Variants in CPED1 observed in about 807,000 individuals in gnomAD.
The protein encoded by CPED1 is cadherin like and PC-esterase domain containing 1, also known as cadherin-like and PC-esterase domain-containing protein 1.
CPED1 carries 114 observed loss-of-function variants against 128.2 expected under a neutral mutation model. The ratio of observed to expected loss-of-function variants is 0.89; its 90% CI spans 0.76 to 1.04. CPED1 has a LOEUF of 1.04. CPED1 is among the 50% of genes least tolerant of loss of function. The pLI, the probability that CPED1 is intolerant of heterozygous loss-of-function variation, is 0.00. For missense variants in CPED1, 1,211 were observed against 1,207.1 expected (o/e 1.00, Z -0.05); for synonymous variants, 462 against 426.7 (o/e 1.08, Z -1.02).
chr7:121,225,550 CT>C (rs1219046499), intron 16 of CPED1, among the ~76,000 whole-genome samples: 1 of 152,152 alleles, frequency 6.6e-6, no homozygotes, highest in African/African-American at 2.4e-5. Context: ...GGAAATTCTC[CT>C]GGATAATATC....
intron 16 of CPED1, among the ~76,000 whole-genome samples, chr7:121,205,190 GAA>G (rs1797490873): frequency 2.0e-5 from 3 of 151,986 alleles, no homozygotes; most frequent in Admixed American, 1.3e-4. Flanking sequence ...CATCAAACAT[GAA>G]AAGTCTTTCC....
chr7:121,027,580 T>C (rs1382454584), intron 3 of CPED1, among the ~76,000 whole-genome samples: 2 of 151,912 alleles, frequency 1.3e-5, no homozygotes, highest in Non-Finnish European at 2.9e-5. Flanking sequence ...CAAAATGAAA[T>C]GTGCTCAGGG....
chr7:121,216,690 T>C (rs1489027828), intron 16 of CPED1, among the ~76,000 whole-genome samples: 1 of 151,934 alleles, frequency 6.6e-6, no homozygotes, highest in Non-Finnish European at 1.5e-5. Flanking sequence ...TGCTGCAAGT[T>C]TTTCCTTATG....
At chr7:121,170,903 T>A (rs1013397552) in intron 16 of CPED1, among the ~76,000 whole-genome samples, 1 of 151,560 alleles carries the variant, frequency 6.6e-6, no homozygotes, top group Non-Finnish European at 1.5e-5. Context: ...ATACAAAAAT[T>A]AGCGGGTGTG....
At chr7:121,037,080 CTGTGG>C (rs1415852556) in intron 3 of CPED1, among the ~76,000 whole-genome samples, 6 of 152,126 alleles carry the variant, frequency 3.9e-5, no homozygotes, top group Non-Finnish European at 8.8e-5. Flanking sequence ...TTCTTTCCCT[CTGTGG>C]ATTGTCTGTT....
chr7:120,996,098 G>A (rs1310737394), intron 2 of CPED1, among the ~76,000 whole-genome samples: 4 of 150,746 alleles, frequency 2.7e-5, no homozygotes, highest in Non-Finnish European at 4.4e-5. Context: ...AGGCAAAATA[G>A]GGAGAGCCTA....
intron 22 of CPED1, among the ~76,000 whole-genome samples, chr7:121,282,110 CTCTTTTTCAGTGGTCAA>C (rs753815232): frequency 2.6e-5 from 4 of 152,160 alleles, no homozygotes; most frequent in African/African-American, 4.8e-5. Flanking sequence ...ATATACCTGT[CTCTTTTTCAGTGGTCAA>C]GTCATCTGCA....
At chr7:121,204,296 G>A (rs949811435) in intron 16 of CPED1, among the ~76,000 whole-genome samples, 3 of 152,058 alleles carry the variant, frequency 2.0e-5, no homozygotes, top group African/African-American at 7.2e-5. Flanking sequence ...GTTTTACAAA[G>A]TAGAAGCCCC....
chr7:121,268,137 G>A (rs1792166497), intron 21 of CPED1, among the ~76,000 whole-genome samples: 5 of 152,030 alleles, frequency 3.3e-5, no homozygotes, highest in Admixed American at 3.3e-4. Flanking sequence ...GAGCCAAAGG[G>A]TTTAAGGCTA....
chr7:121,156,869 A>C (rs1214883116), intron 16 of CPED1, among the ~76,000 whole-genome samples: 1 of 152,184 alleles, frequency 6.6e-6, no homozygotes, highest in Non-Finnish European at 1.5e-5. Flanking sequence ...CAATACTGTA[A>C]ACTTGAATAA....
At chr7:121,024,553 A>T (rs1331758702) in intron 3 of CPED1, among the ~76,000 whole-genome samples, 2 of 152,154 alleles carry the variant, frequency 1.3e-5, no homozygotes, top group African/African-American at 2.4e-5. Context: ...TAAAGCTGGG[A>T]AATGTTTAAA....
At chr7:121,042,022 C>T (rs947534682) in intron 3 of CPED1, among the ~76,000 whole-genome samples, 9 of 151,976 alleles carry the variant, frequency 5.9e-5, no homozygotes, top group African/African-American at 2.2e-4. Flanking sequence ...CATCCACATC[C>T]TGTTTTCCTA....
rs112685377 is a variant in CPED1 at position 121,076,157 on chromosome 7, A to G, written c.616+11844A>G. 5.9e-3 allele frequency among the ~76,000 whole-genome samples: 903 copies of G among 152,332 alleles called. 12 individuals carry two copies. The highest frequency in any genetic ancestry group is 0.018 in the African/African-American group (736 of 41,582). On this transcript the variant is annotated intron_variant, in intron 5 of 22. Coordinates refer to ENST00000310396, the MANE Select transcript of CPED1 (RefSeq NM_024913.5). The stretch of plus-strand genomic sequence containing the variant: ...GAATTAAGGAAGGGGAACACTGCCA[A>G]TTATCAGAGAGTTTTGGCAATGCCT...
At chr7:121,024,299 T>C (rs1227686403) in intron 3 of CPED1, among the ~76,000 whole-genome samples, 2 of 152,194 alleles carry the variant, frequency 1.3e-5, no homozygotes, top group Non-Finnish European at 2.9e-5. Flanking sequence ...AAGTTGAGCT[T>C]AGAGTGACCT....
rs114527397 is a variant in CPED1 at position 121,075,193 on chromosome 7, T to C, written c.616+10880T>C. On this transcript the variant is annotated intron_variant, in intron 5 of 22. Transcript: ENST00000310396. ...TACACAAGAACAACAGGAGGTTTTA[T>C]TTTATTTTTTTTAGTTTTTACTGCA... 7.0e-3 allele frequency among the ~76,000 whole-genome samples: 1,069 copies of C among 152,272 alleles called. 18 individuals are homozygous for C. The highest frequency in any genetic ancestry group is 0.025 in the African/African-American group (1,019 of 41,560).
In CPED1 at chr7:121,157,901, T is replaced by A. The variant is rs185928729; in HGVS notation, c.2055+15760T>A. Among the ~76,000 whole-genome samples, 26 of 152,288 alleles carry A rather than the reference T, an allele frequency of 1.7e-4. 1 individual carries two copies. In the East Asian group the frequency reaches 4.1e-3, roughly 24 times the overall value. The stretch of plus-strand genomic sequence containing the variant: ...CTGGCTGAAAAAGTTCCCCATTTCT[T>A]CTTTAGAATATTCTTTATAATATTG... On this transcript the variant is annotated intron_variant, in intron 16 of 22. Coordinates refer to ENST00000310396, the MANE Select transcript of CPED1 (RefSeq NM_024913.5).
chr7:121,037,046 C>T (rs2116875833), intron 3 of CPED1, among the ~76,000 whole-genome samples: 1 of 152,084 alleles, frequency 6.6e-6, no homozygotes, highest in Admixed American at 6.6e-5. Flanking sequence ...TAGTACTCTG[C>T]TGGATGTATA....
At chr7:121,189,760 T>TTATATATA (rs377035175) in intron 16 of CPED1, among the ~76,000 whole-genome samples, 637 of 47,372 alleles carry the variant, frequency 0.013, 10 homozygotes, top group African/African-American at 0.021. Flanking sequence ...TTATGAGGTT[T>TTATATATA]TATATATATA....
At chr7:121,196,750 C>T (rs370230711) in intron 16 of CPED1, among the ~76,000 whole-genome samples, 3 of 151,802 alleles carry the variant, frequency 2.0e-5, no homozygotes, top group Non-Finnish European at 1.5e-5. Context: ...CCCGTGCTAC[C>T]GTACGCTGAC....
Sources: allele counts gnomAD v4.1 joint callset (sites outside exome capture counted in the v4.1 genomes callset), GRCh38; gene constraint gnomAD v4.1.1; transcripts MANE v1.5; gene names NCBI Gene and HGNC (gene_info 2026-07-23, HGNC 2026-07-21).